Variants in SIPA1L3 observed in about 807,000 individuals in gnomAD.
SIPA1L3 encodes signal-induced proliferation-associated 1-like protein 3.
In SIPA1L3, 59 loss-of-function variants were observed where a neutral mutation model predicts 150.1. The observed-to-expected ratio is 0.39, with a 90% CI of 0.32 to 0.49. The LOEUF is 0.49. Among genes scored for constraint, SIPA1L3 ranks in the 20% least tolerant of loss-of-function variants. SIPA1L3 has a pLI of 0.86. For missense variants in SIPA1L3, 2,211 were observed against 2,489.5 expected (o/e 0.89, Z 2.38); for synonymous variants, 1,070 against 1,077.6 (o/e 0.99, Z 0.14).
chr19:37,974,205 C>T (rs1004335670), intron 1 of SIPA1L3, among the ~76,000 whole-genome samples: 12 of 152,062 alleles, frequency 7.9e-5, no homozygotes, highest in African/African-American at 2.4e-4. Context: ...AGGGACTCAT[C>T]GACCTCCTCA....
chr19:38,119,179 G>A (rs928552133), intron 8 of SIPA1L3, 127 bp from the exon 9 acceptor site: 18 of 898,872 alleles, frequency 2.0e-5, no homozygotes, highest in Non-Finnish European at 2.8e-5. Context: ...CTGGGTGACA[G>A]AGTGAGACCT....
At chr19:37,911,245 A>ATG (rs927881407) in intron 1 of SIPA1L3, among the ~76,000 whole-genome samples, 27 of 94,192 alleles carry the variant, frequency 2.9e-4, no homozygotes, top group Non-Finnish European at 2.7e-4. Context: ...GTTTGTATGT[A>ATG]TGTGCGTGTG....
At chr19:38,153,677 A>G (rs1009326372) in intron 13 of SIPA1L3, among the ~76,000 whole-genome samples, 5 of 150,020 alleles carry the variant, frequency 3.3e-5, no homozygotes, top group African/African-American at 1.2e-4. Context: ...CTCAAAAAAA[A>G]AAAAAAAAGA....
intron 1 of SIPA1L3, among the ~76,000 whole-genome samples, chr19:37,969,853 T>C (rs73034946): frequency 0.15 from 22,746 of 152,180 alleles, 1,923 homozygotes; most frequent in Middle Eastern, 0.28. Flanking sequence ...CTAGGCCGCT[T>C]GTTATTCCTG....
intron 1 of SIPA1L3, among the ~76,000 whole-genome samples, chr19:37,984,862 G>A (rs995912712): frequency 4.6e-5 from 7 of 152,232 alleles, no homozygotes; most frequent in Admixed American, 4.6e-4. Flanking sequence ...CCCTGAAGAA[G>A]AGAATAGTCA....
At chr19:38,193,818 C>A in intron 18 of SIPA1L3, 38 bp downstream of exon 18, 1 of 1,507,990 alleles carries the variant, frequency 6.6e-7, no homozygotes, top group East Asian at 2.5e-5. Context: ...CGGTAGTTAC[C>A]CCAAGGTTGG....
intron 1 of SIPA1L3, among the ~76,000 whole-genome samples, chr19:38,008,368 C>T (rs568268946): frequency 6.6e-6 from 1 of 151,954 alleles, no homozygotes; most frequent in South Asian, 2.1e-4. Flanking sequence ...GCTGGGACTA[C>T]AGGCACCTGC....
At chr19:38,057,361 T>A (rs895337869) in intron 2 of SIPA1L3, among the ~76,000 whole-genome samples, 2 of 151,262 alleles carry the variant, frequency 1.3e-5, no homozygotes, top group Non-Finnish European at 2.9e-5. Flanking sequence ...CGTATATATA[T>A]GTATATATAT....
chr19:38,193,944 G>T (rs1270113344), intron 18 of SIPA1L3, among the ~76,000 whole-genome samples, 164 bp downstream of exon 18: 2 of 152,140 alleles, frequency 1.3e-5, no homozygotes, highest in African/African-American at 4.8e-5. Flanking sequence ...GCCTGATGGT[G>T]GGGCACTGGG....
At chr19:38,111,913 A>C (rs1416265305) in intron 8 of SIPA1L3, among the ~76,000 whole-genome samples, 1 of 151,864 alleles carries the variant, frequency 6.6e-6, no homozygotes, top group Non-Finnish European at 1.5e-5. Context: ...ACACACATGC[A>C]TGCACGCATC....
intron 2 of SIPA1L3, among the ~76,000 whole-genome samples, chr19:38,031,656 G>T (rs1390325331): frequency 6.6e-6 from 1 of 152,192 alleles, no homozygotes; most frequent in African/African-American, 2.4e-5. Flanking sequence ...TGGTTAAGTT[G>T]CTGTGTGCCA....
intron 1 of SIPA1L3, among the ~76,000 whole-genome samples, chr19:38,008,992 C>T (rs1968034350): frequency 6.6e-6 from 1 of 152,118 alleles, no homozygotes; most frequent in African/African-American, 2.4e-5. Flanking sequence ...TCCATCTCTC[C>T]TTCTTGCTTG....
intron 16 of SIPA1L3, among the ~76,000 whole-genome samples, chr19:38,187,620 G>A (rs1193159256): frequency 4.0e-5 from 6 of 148,832 alleles, no homozygotes; most frequent in Non-Finnish European, 7.4e-5. Context: ...GGGAGGCTGA[G>A]GCAGGAGAAT....
intron 1 of SIPA1L3, among the ~76,000 whole-genome samples, chr19:37,942,964 G>T (rs1359175985): frequency 6.6e-6 from 1 of 151,050 alleles, no homozygotes; most frequent in African/African-American, 2.4e-5. Flanking sequence ...CTTCTGCCTC[G>T]GCCTCCCAAA....
chr19:38,083,148 T>C, intron 3 of SIPA1L3, 49 bp downstream of exon 3: 1 of 1,509,752 alleles, frequency 6.6e-7, no homozygotes, highest in Non-Finnish European at 9.0e-7. Context: ...GAGGCTTGCC[T>C]CCGAGACCCC....
chr19:37,938,088 G>C (rs1219705904), intron 1 of SIPA1L3, among the ~76,000 whole-genome samples: 1 of 152,080 alleles, frequency 6.6e-6, no homozygotes, highest in Non-Finnish European at 1.5e-5. Context: ...ATAGTTTTCT[G>C]AGACTTGCAT....
intron 9 of SIPA1L3, among the ~76,000 whole-genome samples, chr19:38,127,386 C>T (rs1013155464): frequency 1.3e-5 from 2 of 152,160 alleles, no homozygotes; most frequent in African/African-American, 2.4e-5. Context: ...AGCCATCATA[C>T]ATAAAATAAA....
At chr19:38,011,164 A>G (rs745514123) in intron 1 of SIPA1L3, among the ~76,000 whole-genome samples, 8 of 152,118 alleles carry the variant, frequency 5.3e-5, no homozygotes, top group Non-Finnish European at 1.0e-4. Flanking sequence ...TCATATATTC[A>G]TCAGCAAGAC....
chr19:38,001,113 T>TA (rs1967798277), intron 1 of SIPA1L3, among the ~76,000 whole-genome samples: 1 of 151,650 alleles, frequency 6.6e-6, no homozygotes, highest in South Asian at 2.1e-4. Flanking sequence ...GGAAAAATGT[T>TA]AAAAAGTTAA....
Sources: gnomAD v4.1 joint callset for allele counts (sites outside exome capture counted in the v4.1 genomes callset) on GRCh38, gnomAD v4.1.1 for gene constraint, MANE v1.5 for transcripts, NCBI Gene and HGNC (gene_info 2026-07-23, HGNC 2026-07-21) for gene names.